Variants in RAB11FIP4 observed in about 807,000 individuals in gnomAD.
RAB11FIP4 encodes rab11 family-interacting protein 4.
RAB11FIP4 carries 23 observed loss-of-function variants against 74.3 expected under a neutral mutation model. That is an observed-to-expected ratio of 0.31 (90% CI 0.22 to 0.44). The LOEUF (loss-of-function observed/expected upper bound fraction) is 0.44. Among genes scored for constraint, RAB11FIP4 ranks in the 20% least tolerant of loss-of-function variants. The pLI, the probability that RAB11FIP4 is intolerant of heterozygous loss-of-function variation, is 1.00. For synonymous variants in RAB11FIP4, 360 were observed against 359.9 expected, an observed-to-expected ratio of 1.00 and a Z score of 0.00; for missense variants, 630 against 863.9, an observed-to-expected ratio of 0.73 and a Z score of 3.39.
At chr17:31,477,152 G>C (rs981513945) in intron 3 of RAB11FIP4, among the ~76,000 whole-genome samples, 10 of 152,364 alleles carry the variant, frequency 6.6e-5, no homozygotes, top group Admixed American at 4.6e-4. Flanking sequence ...AATTGCGGGG[G>C]ACTCTGCTTT....
intron 3 of RAB11FIP4, among the ~76,000 whole-genome samples, chr17:31,497,716 C>G (rs1172503407): frequency 6.6e-6 from 1 of 152,056 alleles, no homozygotes; most frequent in Non-Finnish European, 1.5e-5. Context: ...GGGGAGGCAC[C>G]AGGAGACAGC....
In RAB11FIP4 at chr17:31,401,579, C is replaced by T. The variant is rs1255542638; in HGVS notation, c.159+9568C>T. Among the ~76,000 whole-genome samples, 4 of 152,366 alleles carry T rather than the reference C, an allele frequency of 2.6e-5. No individual in the cohort carries two copies. The East Asian group carries it at 7.7e-4, about 29-fold the overall frequency. ...AGACCAAGGCCTTGAGTCCAACACA[C>T]ACTGCAGTTGCTGTGGCTCAGGGCT... On this transcript the variant is annotated intron_variant, in intron 1 of 14. Coordinates refer to ENST00000621161, the MANE Select transcript of RAB11FIP4 (RefSeq NM_032932.6).
chr17:31,504,605 G>A (rs2072282931), intron 3 of RAB11FIP4, among the ~76,000 whole-genome samples: 3 of 152,130 alleles, frequency 2.0e-5, no homozygotes. Flanking sequence ...TTTCAAATGA[G>A]CCATTTGAAA....
At chr17:31,440,600 C>T (rs1347814219) in intron 3 of RAB11FIP4, among the ~76,000 whole-genome samples, 1 of 152,146 alleles carries the variant, frequency 6.6e-6, no homozygotes, top group Non-Finnish European at 1.5e-5. Flanking sequence ...GAAACCCCAT[C>T]TCTACTAAAA....
At chr17:31,438,061 G>A (rs1245005336) in intron 3 of RAB11FIP4, among the ~76,000 whole-genome samples, 1 of 152,154 alleles carries the variant, frequency 6.6e-6, no homozygotes, top group Admixed American at 6.5e-5. Flanking sequence ...CAAAGGGAAT[G>A]TTAGGTGTGT....
chr17:31,430,280 A>C (rs376918388), intron 1 of RAB11FIP4, among the ~76,000 whole-genome samples: 1 of 151,822 alleles, frequency 6.6e-6, no homozygotes, highest in Non-Finnish European at 1.5e-5. Flanking sequence ...TGAGTGATGA[A>C]GAGCATGGGA....
rs554663203 is a variant in RAB11FIP4 at position 31,520,904 on chromosome 17, G to A, written c.564-262G>A. ...AATTTAATAATTATAATTTGATCTAGCTGTAGCTAGACAATTAGGTTGTAA... is the reference window on the plus strand; with the variant it reads ...AATTTAATAATTATAATTTGATCTAACTGTAGCTAGACAATTAGGTTGTAA... On this transcript the variant is annotated intron_variant, in intron 4 of 14. Transcript: ENST00000621161. 9.9e-5 allele frequency: 26 copies of A among 262,386 alleles called. No individual in the cohort carries two copies. In the South Asian group the frequency reaches 2.4e-3, roughly 24 times the overall value. 16.3% of individuals were successfully genotyped at this position (262,386 alleles called of 1,614,324 possible).
rs528298419 is a variant in RAB11FIP4 at position 31,474,891 on chromosome 17, A to C, written c.336+40769A>C. On this transcript the variant is annotated intron_variant, in intron 3 of 14. Transcript: ENST00000621161. ...AAAACAAAACAAAAAACAAAAAAAA[A>C]ACAGAGATTCACCTCACCAGGTGCT... Among the ~76,000 whole-genome samples, 119 of 152,030 alleles carry C rather than the reference A, an allele frequency of 7.8e-4. 1 individual carries two copies. Among genetic ancestry groups the C allele is most frequent in the African/African-American group, 2.7e-3 (113 of 41,496 alleles).
intron 1 of RAB11FIP4, among the ~76,000 whole-genome samples, chr17:31,411,257 T>G (rs541964910): frequency 2.6e-5 from 4 of 152,098 alleles, no homozygotes; most frequent in Non-Finnish European, 4.4e-5. Flanking sequence ...CCAGCTACTC[T>G]GGAGGCTGAG....
At chr17:31,448,866 T>C (rs964141191) in intron 3 of RAB11FIP4, among the ~76,000 whole-genome samples, 1 of 152,124 alleles carries the variant, frequency 6.6e-6, no homozygotes, top group African/African-American at 2.4e-5. Context: ...GCTTGACCAC[T>C]TTCTGTGTGT....
intron 3 of RAB11FIP4, among the ~76,000 whole-genome samples, chr17:31,504,292 G>A (rs1341596023): frequency 3.3e-5 from 5 of 149,754 alleles, no homozygotes; most frequent in Admixed American, 6.6e-5. Flanking sequence ...CACCACGCCC[G>A]GCTAATTTTT....
intron 3 of RAB11FIP4, among the ~76,000 whole-genome samples, chr17:31,489,039 G>C (rs1259306978): frequency 1.3e-5 from 2 of 152,212 alleles, no homozygotes; most frequent in African/African-American, 2.4e-5. Flanking sequence ...CCCACAGAGG[G>C]CTGGAAATGA....
Position 31,533,575 on chromosome 17 carries a change from T to G in RAB11FIP4, c.*1843T>G, listed in dbSNP as rs933008617. ...GATCCTGACATAGCTTTGGCCTGGG[T>G]GTTAGGTCAGAAGGAGTACTGGTGC... On this transcript the variant is annotated 3_prime_UTR_variant, in exon 15 of 15. Transcript: ENST00000621161. The G allele has an allele frequency of 1.3e-5, 2 of 152,210 alleles. No individual in the cohort carries two copies. The highest frequency in any genetic ancestry group is 4.8e-5 in the African/African-American group (2 of 41,412). The allele number at this position is 152,210 out of a possible 1,614,324, so 9.4% of individuals were successfully genotyped here.
chr17:31,483,347 A>T (rs2071869885), intron 3 of RAB11FIP4, among the ~76,000 whole-genome samples: 1 of 152,164 alleles, frequency 6.6e-6, no homozygotes, highest in Non-Finnish European at 1.5e-5. Flanking sequence ...CTAGACTGAG[A>T]GTAATGCAAC....
chr17:31,440,153 A>G (rs2071394560), intron 3 of RAB11FIP4, among the ~76,000 whole-genome samples: 1 of 152,212 alleles, frequency 6.6e-6, no homozygotes, highest in Non-Finnish European at 1.5e-5. Flanking sequence ...TTTGAGAAAA[A>G]GAAGTATTTA....
intron 3 of RAB11FIP4, chr17:31,488,319 G>A (rs2071940579): frequency 4.4e-6 from 5 of 1,149,226 alleles, no homozygotes; most frequent in East Asian, 4.1e-5. Context: ...CCGGCGGCGC[G>A]CACCTGGCTC....
intron 1 of RAB11FIP4, among the ~76,000 whole-genome samples, chr17:31,427,919 G>A (rs2071269346): frequency 6.6e-6 from 1 of 152,138 alleles, no homozygotes; most frequent in South Asian, 2.1e-4. Flanking sequence ...TGGGGGGAGG[G>A]GGCAGCTGCA....
chr17:31,458,553 T>C (rs1205677234), intron 3 of RAB11FIP4, among the ~76,000 whole-genome samples: 1 of 152,198 alleles, frequency 6.6e-6, no homozygotes, highest in East Asian at 1.9e-4. Context: ...CAGGGGTGTT[T>C]GGAGGTGCCT....
chr17:31,480,442 A>G (rs1359687358), intron 3 of RAB11FIP4, among the ~76,000 whole-genome samples: 2 of 152,104 alleles, frequency 1.3e-5, no homozygotes, highest in Non-Finnish European at 2.9e-5. Context: ...GTAGCAGGCA[A>G]GTGCACAGCC....
Sources: allele counts gnomAD v4.1 joint callset (sites outside exome capture counted in the v4.1 genomes callset), GRCh38; gene constraint gnomAD v4.1.1; transcripts MANE v1.5; gene names NCBI Gene and HGNC (gene_info 2026-07-23, HGNC 2026-07-21).